The following ENTREP2 variants were observed in gnomAD, a reference collection of about 807,000 sequenced individuals.
The protein encoded by ENTREP2 is protein ENTREP2.
the ENTREP2 span, among the ~76,000 whole-genome samples, chr15:29,469,656 G>A: frequency 6.6e-6 from 1 of 152,216 alleles, no homozygotes; most frequent in Admixed American, 6.5e-5. Context: ...ATGGATGGTG[G>A]TGATGGCTGA....
At chr15:29,615,093 G>A in the ENTREP2 span, among the ~76,000 whole-genome samples, 6 of 151,740 alleles carry the variant, frequency 4.0e-5, no homozygotes, top group South Asian at 2.1e-4. Flanking sequence ...TGGAGGAGTC[G>A]CCCCGCTTCA....
At chr15:29,274,332 A>T in the ENTREP2 span, among the ~76,000 whole-genome samples, 2 of 152,346 alleles carry the variant, frequency 1.3e-5, no homozygotes, top group South Asian at 4.1e-4. Flanking sequence ...TTAAGTTTTG[A>T]GGCTCTATAG....
the ENTREP2 span, among the ~76,000 whole-genome samples, chr15:29,435,056 C>A: frequency 6.6e-6 from 1 of 152,118 alleles, no homozygotes; most frequent in Non-Finnish European, 1.5e-5. Context: ...GTACTGTACA[C>A]CTGTTTTCCT....
At chr15:29,421,158 A>T in the ENTREP2 span, among the ~76,000 whole-genome samples, 1 of 152,232 alleles carries the variant, frequency 6.6e-6, no homozygotes, top group Admixed American at 6.5e-5. Flanking sequence ...GAGCTGAGTC[A>T]GTATTACTGA....
At chr15:29,446,861 T>A in the ENTREP2 span, among the ~76,000 whole-genome samples, 1 of 152,180 alleles carries the variant, frequency 6.6e-6, no homozygotes, top group Non-Finnish European at 1.5e-5. Context: ...GAGCATGGTA[T>A]CTCTTGAGCC....
the ENTREP2 span, among the ~76,000 whole-genome samples, chr15:29,239,573 A>G: frequency 1.3e-5 from 2 of 152,236 alleles, no homozygotes; most frequent in Non-Finnish European, 2.9e-5. Flanking sequence ...ATTAGTATGC[A>G]GATCACAGGC....
the ENTREP2 span, chr15:29,234,166 C>T: frequency 3.1e-5 from 49 of 1,594,502 alleles, no homozygotes; most frequent in Non-Finnish European, 1.4e-5. Context: ...CACTCTCAGG[C>T]CTTGATCTGG....
At chr15:29,524,709 C>T in the ENTREP2 span, among the ~76,000 whole-genome samples, 1 of 152,192 alleles carries the variant, frequency 6.6e-6, no homozygotes, top group South Asian at 2.1e-4. Context: ...CAGCAGACAC[C>T]CTGCCAGATC....
the ENTREP2 span, among the ~76,000 whole-genome samples, chr15:29,603,636 A>T: frequency 1.1e-4 from 17 of 151,938 alleles, no homozygotes; most frequent in Non-Finnish European, 1.8e-4. Context: ...TTATTTAATT[A>T]ATTAATTTAT....
the ENTREP2 span, among the ~76,000 whole-genome samples, chr15:29,513,421 T>C: frequency 6.6e-6 from 1 of 152,336 alleles, no homozygotes; most frequent in South Asian, 2.1e-4. Flanking sequence ...GAACCTAGTT[T>C]GAAAACCATT....
the ENTREP2 span, among the ~76,000 whole-genome samples, chr15:29,624,530 T>G: frequency 2.6e-5 from 4 of 152,210 alleles, no homozygotes; most frequent in South Asian, 8.3e-4. Context: ...CCACTCTGTC[T>G]CCAACCAGTA....
chr15:29,410,452 G>A, the ENTREP2 span, among the ~76,000 whole-genome samples: 1 of 151,948 alleles, frequency 6.6e-6, no homozygotes, highest in Non-Finnish European at 1.5e-5. Flanking sequence ...GGGCAACAGA[G>A]ACTTGAGGCG....
chr15:29,657,037 G>C, the ENTREP2 span, among the ~76,000 whole-genome samples: 1 of 152,026 alleles, frequency 6.6e-6, no homozygotes, highest in Non-Finnish European at 1.5e-5. Flanking sequence ...CCGGGCCTTC[G>C]TGGTGAGTGT....
At chr15:29,643,565 G>A in the ENTREP2 span, among the ~76,000 whole-genome samples, 1 of 152,132 alleles carries the variant, frequency 6.6e-6, no homozygotes, top group Admixed American at 6.5e-5. Flanking sequence ...GGTGGATCAT[G>A]AGGTCAGGAG....
the ENTREP2 span, among the ~76,000 whole-genome samples, chr15:29,625,736 T>A: frequency 6.6e-6 from 1 of 152,202 alleles, no homozygotes; most frequent in African/African-American, 2.4e-5. Context: ...TCCAGAGTGG[T>A]TATACCATTT....
chr15:29,211,099 C>T, the ENTREP2 span, among the ~76,000 whole-genome samples: 1 of 152,184 alleles, frequency 6.6e-6, no homozygotes, highest in African/African-American at 2.4e-5. Flanking sequence ...CAGGTTACTA[C>T]ATAATAATGG....
the ENTREP2 span, among the ~76,000 whole-genome samples, chr15:29,631,688 CCTAT>C: frequency 7.9e-5 from 12 of 152,346 alleles, no homozygotes; most frequent in South Asian, 1.0e-3. Context: ...CCAGCTTTTT[CCTAT>C]CTGAGATCCT....
At chr15:29,473,634 G>A in the ENTREP2 span, among the ~76,000 whole-genome samples, 1 of 152,214 alleles carries the variant, frequency 6.6e-6, no homozygotes, top group African/African-American at 2.4e-5. Flanking sequence ...TCAGTGCTCA[G>A]GGTGAACAGA....
At chr15:29,388,919 A>T in the ENTREP2 span, among the ~76,000 whole-genome samples, 6 of 138,772 alleles carry the variant, frequency 4.3e-5, no homozygotes, top group East Asian at 1.4e-3. Context: ...AACAATGAGA[A>T]CACTTGGACA....
Sources: gnomAD v4.1 joint callset for allele counts (sites outside exome capture counted in the v4.1 genomes callset) on GRCh38, gnomAD v4.1.1 for gene constraint, MANE v1.5 for transcripts, NCBI Gene and HGNC (gene_info 2026-07-23, HGNC 2026-07-21) for gene names.